Variants in TIMM23B observed in about 807,000 individuals in gnomAD.
The protein encoded by TIMM23B is translocase of inner mitochondrial membrane 23 homolog B.
A neutral mutation model predicts 27.3 loss-of-function variants in TIMM23B; 27 were observed. That is an observed-to-expected ratio of 0.99 (90% CI 0.73 to 1.36). The LOEUF (loss-of-function observed/expected upper bound fraction) is 1.36. Among genes scored for constraint, TIMM23B ranks in the 40% most tolerant of loss-of-function variants. The pLI is 0.00. For synonymous variants in TIMM23B, 73 were observed against 92.4 expected (o/e 0.79, Z 1.21); for missense variants, 205 against 244.2 (o/e 0.84, Z 1.07).
chr10:49,945,877 CA>C (rs1839340752), intron 2 of TIMM23B, among the ~76,000 whole-genome samples: 1 of 151,896 alleles, frequency 6.6e-6, no homozygotes, highest in East Asian at 1.9e-4. Context: ...CAACATCCAA[CA>C]CCCCCTTTAA....
At chr10:49,947,842 A>T (rs1832107099) in intron 2 of TIMM23B, among the ~76,000 whole-genome samples, 3 of 152,160 alleles carry the variant, frequency 2.0e-5, no homozygotes, top group African/African-American at 7.2e-5. Context: ...AGGTGGGAGG[A>T]TCACTTGAGT....
chr10:49,955,108 A>G, intron 5 of TIMM23B, 48 bp downstream of exon 5: 1 of 1,570,880 alleles, frequency 6.4e-7, no homozygotes, highest in African/African-American at 1.4e-5. Flanking sequence ...TAAAGAAAGA[A>G]TGCACAAATA....
chr10:49,965,653 CGAAATGAAATGAAACAAAT>C (rs1209173325), intron 6 of TIMM23B, among the ~76,000 whole-genome samples: 1 of 123,702 alleles, frequency 8.1e-6, no homozygotes, highest in East Asian at 2.5e-4. Flanking sequence ...GTCTCTGTCT[CGAAATGAAATGAAACAAAT>C]GAAATGAAAT....
Position 49,973,096 on chromosome 10 carries a change from C to T in TIMM23B, c.*32C>T, listed in dbSNP as rs1554856889. ...CTGTAGAGGTGTGTGTCAATCCCAA[C>T]TGGTGAAGTACTGAGAAGAAGCTAC... is the stretch of plus-strand genomic sequence containing the variant. On this transcript the variant is annotated 3_prime_UTR_variant, in exon 7 of 7. Coordinates refer to ENST00000651259, the MANE Select transcript of TIMM23B (RefSeq NM_001290117.2). 2.0e-6 allele frequency: 3 copies of T among 1,529,360 alleles called. No homozygotes were observed. Among genetic ancestry groups the T allele is most frequent in the African/African-American group, 1.4e-5 (1 of 72,386 alleles). The allele number at this position is 1,529,360 out of a possible 1,614,324, so 94.7% of individuals were successfully genotyped here. A position where few individuals can be genotyped will look rare whatever the true frequency, so the allele number is the denominator to read the frequency against.
At chr10:49,945,495 C>T (rs2133048164) in intron 2 of TIMM23B, among the ~76,000 whole-genome samples, 1 of 152,298 alleles carries the variant, frequency 6.6e-6, no homozygotes, top group Non-Finnish European at 1.5e-5. Context: ...ATCGTCCTGC[C>T]TCAGCCTCCC....
rs1554856706 is a variant in TIMM23B at position 49,972,123 on chromosome 10, A to G, written c.515-889A>G. Among the ~76,000 whole-genome samples, 3 of 152,242 alleles carry G rather than the reference A, an allele frequency of 2.0e-5. No individual in the cohort carries two copies. The East Asian group carries it at 5.8e-4, about 29-fold the overall frequency. On this transcript the variant is annotated intron_variant, in intron 6 of 6. Coordinates refer to ENST00000651259, the MANE Select transcript of TIMM23B (RefSeq NM_001290117.2). Reference sequence around the variant, plus strand: ...TATGTAATATAGTATTTTACACTAAATAATAGTGACTGGCAGTCCACTGGC... The same window carrying G: ...TATGTAATATAGTATTTTACACTAAGTAATAGTGACTGGCAGTCCACTGGC...
At chr10:49,953,567 A>C (rs1839612215) in intron 4 of TIMM23B, among the ~76,000 whole-genome samples, 1 of 152,022 alleles carries the variant, frequency 6.6e-6, no homozygotes, top group Non-Finnish European at 1.5e-5. Context: ...GCTGTTCTCA[A>C]ACTCCTGAGC....
At chr10:49,948,358 C>T (rs1294743331) in intron 2 of TIMM23B, among the ~76,000 whole-genome samples, 1 of 152,026 alleles carries the variant, frequency 6.6e-6, no homozygotes, top group East Asian at 1.9e-4. Flanking sequence ...GGCAATTTCA[C>T]TTGCGTATAC....
intron 5 of TIMM23B, among the ~76,000 whole-genome samples, chr10:49,957,410 A>T (rs1210869202): frequency 6.6e-6 from 1 of 151,962 alleles, no homozygotes; most frequent in Non-Finnish European, 1.5e-5. Context: ...CCACCATGCC[A>T]ACTAATTTTT....
chr10:49,951,747 G>T (rs1470517513), intron 2 of TIMM23B, among the ~76,000 whole-genome samples: 1 of 152,188 alleles, frequency 6.6e-6, no homozygotes, highest in Non-Finnish European at 1.5e-5. Flanking sequence ...ATAGAAAAAT[G>T]CACAATAAAT....
chr10:49,950,219 T>C (rs1292923682), intron 2 of TIMM23B, among the ~76,000 whole-genome samples: 246 of 149,304 alleles, frequency 1.6e-3, no homozygotes, highest in Middle Eastern at 3.4e-3. Context: ...TTTTTTTTTT[T>C]CCCCCAGCAA....
intron 5 of TIMM23B, among the ~76,000 whole-genome samples, chr10:49,955,386 G>A (rs1417470650): frequency 6.6e-6 from 1 of 152,212 alleles, no homozygotes; most frequent in Non-Finnish European, 1.5e-5. Context: ...AGCTTTGTAT[G>A]TTAGACAAGG....
Position 49,958,379 on chromosome 10 carries a change from A to G in TIMM23B, c.413A>G (p.Tyr138Cys), listed in dbSNP as rs1469982490. 9.0e-5 allele frequency: 146 copies of G among 1,613,856 alleles called. No homozygotes were observed. The highest frequency in any genetic ancestry group is 5.2e-4 in the South Asian group (47 of 91,072). ...TCCATTTCCTCTTTAGCGTTGCTCT[A>G]TAGTGCATTTGGTGTCATCATTGAG... is the stretch of plus-strand genomic sequence containing the variant. ...ANTLGSLALL[Y>C]SAFGVIIEKT... Residue 138 changes from tyrosine to cysteine, a missense_variant, in exon 6 of 7, where the codon TAT becomes TGT. Transcript: ENST00000651259.
intron 6 of TIMM23B, among the ~76,000 whole-genome samples, chr10:49,962,654 G>T (rs1839959611): frequency 6.6e-6 from 1 of 152,074 alleles, no homozygotes; most frequent in Non-Finnish European, 1.5e-5. Flanking sequence ...AATCCTTCCA[G>T]ATACCTACCT....
intron 6 of TIMM23B, among the ~76,000 whole-genome samples, chr10:49,971,320 T>TG (rs1432240216): frequency 7.2e-6 from 1 of 139,814 alleles, no homozygotes; most frequent in Non-Finnish European, 1.5e-5. Context: ...CCAAGAATGA[T>TG]CAATAAATAC....
At chr10:49,945,195 A>T (rs1839317652) in intron 2 of TIMM23B, 105 bp downstream of exon 2, 10 of 1,126,936 alleles carry the variant, frequency 8.9e-6, no homozygotes, top group Non-Finnish European at 1.3e-5. Context: ...GGAGGCAGTA[A>T]GTCTCTGGTC....
chr10:49,967,614 G>A (rs1374159975), intron 6 of TIMM23B, among the ~76,000 whole-genome samples: 4 of 151,616 alleles, frequency 2.6e-5, no homozygotes, highest in African/African-American at 9.7e-5. Flanking sequence ...TAGAATTAAT[G>A]AGTATTCTTT....
intron 2 of TIMM23B, among the ~76,000 whole-genome samples, chr10:49,950,804 A>G (rs1839505428): frequency 6.6e-6 from 1 of 152,090 alleles, no homozygotes; most frequent in Non-Finnish European, 1.5e-5. Context: ...GGCTTCCCAA[A>G]GCGCTGAGAT....
At chr10:49,951,776 G>A (rs1206446435) in intron 2 of TIMM23B, among the ~76,000 whole-genome samples, 18 of 152,326 alleles carry the variant, frequency 1.2e-4, no homozygotes, top group African/African-American at 3.8e-4. Context: ...CAGAATGAAA[G>A]TTATTTGTTT....
Sources: allele counts gnomAD v4.1 joint callset (sites outside exome capture counted in the v4.1 genomes callset), GRCh38; gene constraint gnomAD v4.1.1; transcripts MANE v1.5; gene names NCBI Gene and HGNC (gene_info 2026-07-23, HGNC 2026-07-21).